Variants in HEMK2 observed in about 807,000 individuals in gnomAD.
The protein encoded by HEMK2 is HemK methyltransferase 2, ETF1 glutamine and histone H4 lysine, also known as methyltransferase HEMK2.
the HEMK2 span, among the ~76,000 whole-genome samples, chr21:28,693,824 T>G: frequency 2.0e-5 from 3 of 152,182 alleles, no homozygotes; most frequent in African/African-American, 7.2e-5. Context: ...TCTTATACAC[T>G]GCCAGAAAGA....
the HEMK2 span, among the ~76,000 whole-genome samples, chr21:28,861,387 A>C: frequency 6.6e-6 from 1 of 152,240 alleles, no homozygotes; most frequent in Non-Finnish European, 1.5e-5. Context: ...ATTGATAGGA[A>C]GCCTACTGCA....
At chr21:28,689,524 T>C in the HEMK2 span, among the ~76,000 whole-genome samples, 1 of 152,184 alleles carries the variant, frequency 6.6e-6, no homozygotes, top group African/African-American at 2.4e-5. Flanking sequence ...CCTTCATATA[T>C]TATTTGTGAA....
the HEMK2 span, among the ~76,000 whole-genome samples, chr21:28,722,220 A>T: frequency 6.6e-6 from 1 of 152,128 alleles, no homozygotes; most frequent in Admixed American, 6.5e-5. Flanking sequence ...GTTAAAAAAA[A>T]TTGATAAAAG....
chr21:28,606,387 A>G, the HEMK2 span, among the ~76,000 whole-genome samples: 2 of 152,236 alleles, frequency 1.3e-5, no homozygotes, highest in Admixed American at 6.5e-5. Flanking sequence ...TGAGCTCCAT[A>G]AAGAAGCCAA....
the HEMK2 span, among the ~76,000 whole-genome samples, chr21:28,629,835 C>A: frequency 6.6e-6 from 1 of 152,138 alleles, no homozygotes; most frequent in Non-Finnish European, 1.5e-5. Context: ...GCTGCATAAA[C>A]CAGATCAGGG....
At chr21:28,882,820 G>A in the HEMK2 span, among the ~76,000 whole-genome samples, 167 of 152,268 alleles carry the variant, frequency 1.1e-3, 1 homozygote, top group African/African-American at 3.3e-3. Context: ...TAGTATGATG[G>A]AGCAGTTTGA....
the HEMK2 span, among the ~76,000 whole-genome samples, chr21:28,716,954 C>T: frequency 6.6e-6 from 1 of 152,176 alleles, no homozygotes; most frequent in South Asian, 2.1e-4. Flanking sequence ...AACCTTGCAT[C>T]CCAAGAATGA....
chr21:28,764,194 A>G, the HEMK2 span, among the ~76,000 whole-genome samples: 1,160 of 152,188 alleles, frequency 7.6e-3, 14 homozygotes, highest in African/African-American at 0.026. Context: ...TACTTAGCCA[A>G]CCTAAGATAG....
chr21:28,870,527 G>A, the HEMK2 span, among the ~76,000 whole-genome samples: 3 of 151,878 alleles, frequency 2.0e-5, no homozygotes, highest in South Asian at 6.2e-4. Context: ...TCAACCTCCC[G>A]AGTAGATGGG....
At chr21:28,611,030 T>A in the HEMK2 span, among the ~76,000 whole-genome samples, 1 of 152,142 alleles carries the variant, frequency 6.6e-6, no homozygotes, top group Non-Finnish European at 1.5e-5. Flanking sequence ...ATTTAAACTA[T>A]ACCCTACAAC....
At chr21:28,729,636 A>AAC in the HEMK2 span, among the ~76,000 whole-genome samples, 1 of 149,462 alleles carries the variant, frequency 6.7e-6, no homozygotes, top group East Asian at 2.0e-4. Context: ...TGATAAGCAA[A>AAC]AAAAAAAAAA....
chr21:28,774,330 C>A, the HEMK2 span, among the ~76,000 whole-genome samples: 1 of 152,170 alleles, frequency 6.6e-6, no homozygotes, highest in Non-Finnish European at 1.5e-5. Flanking sequence ...TGGCTTCCAC[C>A]TGTAATCCCA....
the HEMK2 span, among the ~76,000 whole-genome samples, chr21:28,588,784 C>T: frequency 4.6e-5 from 7 of 151,948 alleles, no homozygotes; most frequent in South Asian, 2.1e-4. Context: ...GAGATCGAGA[C>T]CATCCTGGCT....
At chr21:28,664,612 T>C in the HEMK2 span, among the ~76,000 whole-genome samples, 1 of 152,080 alleles carries the variant, frequency 6.6e-6, no homozygotes, top group African/African-American at 2.4e-5. Context: ...AAAAAATATA[T>C]ATATATTGTA....
At chr21:28,584,574 G>A in the HEMK2 span, among the ~76,000 whole-genome samples, 1 of 152,104 alleles carries the variant, frequency 6.6e-6, no homozygotes, top group Admixed American at 6.5e-5. Flanking sequence ...AAGAAAGTAA[G>A]TGGGGTCACA....
the HEMK2 span, among the ~76,000 whole-genome samples, chr21:28,823,725 T>C: frequency 1.3e-5 from 2 of 152,174 alleles, no homozygotes; most frequent in African/African-American, 4.8e-5. Flanking sequence ...TCCTAGGACC[T>C]AGCACCCTAC....
chr21:28,743,041 T>C, the HEMK2 span, among the ~76,000 whole-genome samples: 2 of 152,168 alleles, frequency 1.3e-5, no homozygotes, highest in Non-Finnish European at 2.9e-5. Flanking sequence ...TGTTCAAAAA[T>C]GTTGGGATTT....
At chr21:28,764,251 T>C in the HEMK2 span, among the ~76,000 whole-genome samples, 1,656 of 152,024 alleles carry the variant, frequency 0.011, 25 homozygotes, top group African/African-American at 0.038. Context: ...AGTCTGGGAG[T>C]TGTGTCAGCA....
At chr21:28,655,417 G>A in the HEMK2 span, among the ~76,000 whole-genome samples, 1 of 152,088 alleles carries the variant, frequency 6.6e-6, no homozygotes, top group African/African-American at 2.4e-5. Context: ...CTGACTCTAA[G>A]TAGTTTTAAA....
Sources: gnomAD v4.1 joint callset for allele counts (sites outside exome capture counted in the v4.1 genomes callset) on GRCh38, gnomAD v4.1.1 for gene constraint, MANE v1.5 for transcripts, NCBI Gene and HGNC (gene_info 2026-07-23, HGNC 2026-07-21) for gene names.